FBXO16: variants seen among roughly 807,000 people sequenced by gnomAD.
FBXO16 encodes F-box only protein 16.
FBXO16 carries 31 observed loss-of-function variants against 41.0 expected under a neutral mutation model. That is an observed-to-expected ratio of 0.76 (90% confidence interval 0.57 to 1.02). FBXO16 has a LOEUF of 1.02. Among genes scored for constraint, FBXO16 ranks in the 50% least tolerant of loss-of-function variants. The probability of loss-of-function intolerance (pLI) is 0.00; values close to 1 mark genes in which losing one functional copy is unlikely to be tolerated. For missense variants in FBXO16, 361 were observed against 346.2 expected (o/e 1.04, Z -0.34); for synonymous variants, 133 against 117.8 (o/e 1.13, Z -0.84).
At chr8:28,455,081 A>AT (rs111415524) in intron 5 of FBXO16, among the ~76,000 whole-genome samples, 4,668 of 144,414 alleles carry the variant, frequency 0.032, 224 homozygotes, top group African/African-American at 0.1. Flanking sequence ...AATTACATTG[A>AT]TTTTTTTTTT....
chr8:28,435,750 T>C (rs60294225), intron 7 of FBXO16, among the ~76,000 whole-genome samples: 12,627 of 152,126 alleles, frequency 0.083, 1,605 homozygotes, highest in African/African-American at 0.27. Context: ...AGGGTGGGGA[T>C]CAATCAGGGG....
At chr8:28,459,801 C>T (rs558510795) in intron 4 of FBXO16, among the ~76,000 whole-genome samples, 1 of 151,892 alleles carries the variant, frequency 6.6e-6, no homozygotes, top group Admixed American at 6.6e-5. Context: ...CCAAGGTGAG[C>T]AGATCACTTG....
rs898005660 is a variant in FBXO16 at position 28,461,947 on chromosome 8, C to CT, written c.342+1664dup. On this transcript the variant is annotated intron_variant, in intron 4 of 8. Transcript: ENST00000380254. ...TCCCTACACCATTTATTGAATAATA[C>CT]TTTTTTTTTTGAGACAGAGTCTCAC... is the stretch of plus-strand genomic sequence containing the variant. 7.8e-4 allele frequency among the ~76,000 whole-genome samples: 116 copies of CT among 149,298 alleles called. 1 individual carries two copies. The highest frequency in any genetic ancestry group is 2.1e-3 in the South Asian group (10 of 4,730).
intron 7 of FBXO16, among the ~76,000 whole-genome samples, chr8:28,435,555 A>C (rs1313107648): frequency 6.6e-6 from 1 of 152,018 alleles, no homozygotes; most frequent in Non-Finnish European, 1.5e-5. Context: ...CCCCACCCCC[A>C]CAGTTGGGTG....
intron 4 of FBXO16, among the ~76,000 whole-genome samples, chr8:28,462,574 G>A (rs918328140): frequency 2.6e-5 from 4 of 152,104 alleles, no homozygotes; most frequent in Non-Finnish European, 4.4e-5. Context: ...CACCGCGCCC[G>A]GCCCCGCATT....
Position 28,452,275 on chromosome 8 carries a change from T to G in FBXO16, c.709A>C (p.Asn237His). 1 of 1,614,178 alleles carries G rather than the reference T, an allele frequency of 6.2e-7. No individual in the cohort carries two copies. ...TDIIRFNYLDNRDPMETVQQG... is the reference protein window; with the variant it reads ...TDIIRFNYLDHRDPMETVQQG... ...TGGACAGTCTCCATGGGGTCACGGTTGTCTAGGTAATTAAAACGAATGATA... is the reference window on the plus strand; with the variant it reads ...TGGACAGTCTCCATGGGGTCACGGTGGTCTAGGTAATTAAAACGAATGATA... Residue 237 changes from asparagine to histidine, a missense_variant, in exon 6 of 9, where the codon AAC (asparagine) becomes CAC (histidine). Transcript: ENST00000380254.
At chr8:28,441,498 G>A (rs1033362993) in intron 7 of FBXO16, among the ~76,000 whole-genome samples, 1 of 152,160 alleles carries the variant, frequency 6.6e-6, no homozygotes, top group African/African-American at 2.4e-5. Context: ...CACTTTGGGA[G>A]GCCAAGGTGG....
chr8:28,463,178 GTA>G (rs113234772), intron 4 of FBXO16, among the ~76,000 whole-genome samples: 12 of 151,754 alleles, frequency 7.9e-5, no homozygotes, highest in African/African-American at 1.9e-4. Flanking sequence ...GTTTGTGTGT[GTA>G]TATGTGTGTA....
chr8:28,435,554 C>G lies in FBXO16; in HGVS notation c.844-6151G>C, dbSNP rs142143553. 1.1e-4 allele frequency among the ~76,000 whole-genome samples: 17 copies of G among 152,232 alleles called. No individual in the cohort carries two copies. In the East Asian group the frequency reaches 3.3e-3, roughly 29 times the overall value. On this transcript the variant is annotated intron_variant, in intron 7 of 8. Transcript: ENST00000380254. ...GAGGGGTAAGGAAATGCCCCACCCCCACAGTTGGGTGGTTTCTCTCTCCCC... is the reference window on the plus strand; with the variant it reads ...GAGGGGTAAGGAAATGCCCCACCCCGACAGTTGGGTGGTTTCTCTCTCCCC...
chr8:28,438,219 G>A (rs1802713277), intron 7 of FBXO16, among the ~76,000 whole-genome samples: 1 of 152,116 alleles, frequency 6.6e-6, no homozygotes. Flanking sequence ...GGGAGGCTGA[G>A]GCATGAGAAT....
chr8:28,449,755 T>A (rs945980479), intron 6 of FBXO16, among the ~76,000 whole-genome samples: 3 of 151,664 alleles, frequency 2.0e-5, no homozygotes, highest in African/African-American at 7.3e-5. Context: ...GTGAGGATCA[T>A]GAGGTTAGGA....
At chr8:28,434,261 C>T (rs1422585006) in intron 7 of FBXO16, among the ~76,000 whole-genome samples, 4 of 151,942 alleles carry the variant, frequency 2.6e-5, no homozygotes, top group Non-Finnish European at 1.5e-5. Flanking sequence ...GCACCTGGCC[C>T]CTGATTGATT....
chr8:28,472,505 G>C (rs891411352), intron 3 of FBXO16, among the ~76,000 whole-genome samples: 5 of 152,032 alleles, frequency 3.3e-5, no homozygotes, highest in Non-Finnish European at 5.9e-5. Context: ...GAGGTCAAGG[G>C]GGGGCGGGGT....
intron 4 of FBXO16, among the ~76,000 whole-genome samples, chr8:28,458,346 G>T (rs1803069531): frequency 1.3e-5 from 2 of 152,112 alleles, no homozygotes; most frequent in Admixed American, 1.3e-4. Context: ...GGAGGAAAAA[G>T]TTTAGAGGAT....
In FBXO16 at chr8:28,457,272, C is replaced by T. The variant is rs778072303; in HGVS notation, c.343-342G>A. Among the ~76,000 whole-genome samples the T allele has an allele frequency of 1.1e-4, 16 of 152,208 alleles. 1 individual carries two copies. The South Asian group carries it at 1.7e-3, about 16-fold the overall frequency. On this transcript the variant is annotated intron_variant, in intron 4 of 8. Transcript: ENST00000380254. The stretch of plus-strand genomic sequence containing the variant: ...AGGAAATTGAGGCTCAGATAGACTT[C>T]GGAACTTTCTAGAGGTTTCTGAAGG...
intron 3 of FBXO16, among the ~76,000 whole-genome samples, chr8:28,471,170 ATTATT>A (rs1172473396): frequency 6.6e-6 from 1 of 152,186 alleles, no homozygotes; most frequent in African/African-American, 2.4e-5. Flanking sequence ...GTTTCTCTTA[ATTATT>A]TTATTTGCTG....
At chr8:28,465,584 C>T (rs998173105) in intron 3 of FBXO16, 1 of 166,860 alleles carries the variant, frequency 6.0e-6, no homozygotes, top group Non-Finnish European at 1.3e-5. Flanking sequence ...CATTGCACTC[C>T]AGCCTGGACA....
chr8:28,441,872 TTATA>T (rs36230032), intron 7 of FBXO16, among the ~76,000 whole-genome samples: 3 of 145,846 alleles, frequency 2.1e-5, no homozygotes, highest in East Asian at 2.0e-4. Context: ...ATATGTGTGT[TTATA>T]TATATATATA....
rs1462904621 is a variant in FBXO16, at chr8:28,484,714, C to T, written c.-16-1252G>A. On this transcript the variant is annotated intron_variant, in intron 1 of 8. Coordinates refer to ENST00000380254, the MANE Select transcript of FBXO16 (RefSeq NM_172366.4). ...TCACACCATTCTCCTGCCTCAGCCT[C>T]CCGGGTAGCTGGGACTACAGGCGCC... Among the ~76,000 whole-genome samples the T allele has an allele frequency of 3.3e-5, 5 of 152,194 alleles. No homozygotes were observed. The South Asian group carries it at 1.0e-3, about 32-fold the overall frequency.
Sources: allele counts gnomAD v4.1 joint callset (sites outside exome capture counted in the v4.1 genomes callset), GRCh38; gene constraint gnomAD v4.1.1; transcripts MANE v1.5; gene names NCBI Gene and HGNC (gene_info 2026-07-23, HGNC 2026-07-21).